DYM: variants seen among roughly 807,000 people sequenced by gnomAD.
DYM encodes dymeclin.
A neutral mutation model predicts 93.1 loss-of-function variants in DYM; 78 were observed. That is an observed-to-expected ratio of 0.84 (90% CI 0.70 to 1.01). The LOEUF (loss-of-function observed/expected upper bound fraction) is 1.01, where lower values mean the gene tolerates loss of function less well. Ranked by LOEUF, DYM falls within the 50% of genes least tolerant of loss-of-function variation. The pLI is 0.00. For missense variants in DYM, 789 were observed against 845.0 expected (o/e 0.93, Z 0.82); for synonymous variants, 321 against 319.7 (o/e 1.00, Z -0.04).
chr18:49,202,794 C>G (rs1442638323), intron 14 of DYM, among the ~76,000 whole-genome samples: 20 of 44,260 alleles, frequency 4.5e-4, no homozygotes, highest in African/African-American at 1.4e-3. Flanking sequence ...CCCCTCCGCC[C>G]GGCAGCTGCC....
chr18:49,317,680 C>T (rs1200945094), intron 8 of DYM, among the ~76,000 whole-genome samples: 5 of 129,026 alleles, frequency 3.9e-5, no homozygotes, highest in African/African-American at 1.2e-4. Context: ...TTCCTTCCTT[C>T]CTTCCTTCCT....
intron 1 of DYM, among the ~76,000 whole-genome samples, chr18:49,435,693 G>A (rs1394085720): frequency 1.3e-5 from 2 of 152,104 alleles, no homozygotes; most frequent in African/African-American, 4.8e-5. Flanking sequence ...GGAGATTGAC[G>A]CAGGAAAATC....
intron 16 of DYM, among the ~76,000 whole-genome samples, chr18:49,107,817 C>A (rs937489889): frequency 6.6e-6 from 1 of 152,222 alleles, no homozygotes; most frequent in East Asian, 1.9e-4. Flanking sequence ...TCTGCCCCTA[C>A]TGGGGGGTGC....
At chr18:49,087,165 C>T (rs575404623) in intron 17 of DYM, among the ~76,000 whole-genome samples, 3 of 152,230 alleles carry the variant, frequency 2.0e-5, no homozygotes, top group South Asian at 4.1e-4. Flanking sequence ...GTCTCCAGAA[C>T]TCTGAGAAAC....
chr18:49,330,194 ATTT>A (rs2063208863), intron 8 of DYM, among the ~76,000 whole-genome samples: 1 of 152,220 alleles, frequency 6.6e-6, no homozygotes, highest in Non-Finnish European at 1.5e-5. Context: ...TTTTATAAAG[ATTT>A]AGGAAGAAAG....
rs72642441 is a variant in DYM at position 49,092,931 on chromosome 18, C to T, written c.2025+4471G>A. 3.5e-3 allele frequency among the ~76,000 whole-genome samples: 530 copies of T among 152,266 alleles called. 27 individuals are homozygous for T. The East Asian group carries it at 0.084, about 24-fold the overall frequency. On this transcript the variant is annotated intron_variant, in intron 17 of 17. Coordinates refer to ENST00000675505, the MANE Select transcript of DYM (RefSeq NM_001353214.3). Reference sequence around the variant, plus strand: ...AAGCCTCACTCCTCACTGGGAGTCCCTCCTTTAATGTTCTGCACTAATGCT... The same window carrying T: ...AAGCCTCACTCCTCACTGGGAGTCCTTCCTTTAATGTTCTGCACTAATGCT...
intron 2 of DYM, among the ~76,000 whole-genome samples, chr18:49,401,025 G>A (rs2070753621): frequency 6.6e-6 from 1 of 152,148 alleles, no homozygotes; most frequent in Non-Finnish European, 1.5e-5. Context: ...ACCAAATGTT[G>A]TTTCTGAAGG....
chr18:49,398,154 T>C (rs2070346636), intron 2 of DYM, among the ~76,000 whole-genome samples: 1 of 152,194 alleles, frequency 6.6e-6, no homozygotes, highest in Admixed American at 6.5e-5. Context: ...AGGACTGACT[T>C]TTTTTAACAA....
At chr18:49,298,437 C>G (rs549065106) in intron 8 of DYM, among the ~76,000 whole-genome samples, 2 of 152,068 alleles carry the variant, frequency 1.3e-5, no homozygotes, top group East Asian at 3.9e-4. Context: ...AAAAATTAGC[C>G]AGGCCTGGTG....
At position 49,444,277 on chromosome 18, in the gene DYM, C is replaced by T. The variant is rs183979194; in HGVS notation, c.-53-13830G>A. On this transcript the variant is annotated intron_variant, in intron 1 of 17. Transcript: ENST00000675505. ...AAGCTAAATATCCTGACGCGTCCTG[C>T]CACGAAACAATACAATGGCTTAACA... Among the ~76,000 whole-genome samples, 46 of 152,240 alleles carry T rather than the reference C, an allele frequency of 3.0e-4. 1 individual carries two copies. Among genetic ancestry groups the T allele is most frequent in the African/African-American group, 1.1e-3 (45 of 41,534 alleles).
At position 49,217,128 on chromosome 18, in the gene DYM, G is replaced by A. The variant is rs1019651156; in HGVS notation, c.1461-7413C>T. ...GAATGCAGAAGCCTCAGGAGCCAATGCGATCAACTGGAAGAAAGGGTATCA... is the reference window on the plus strand; with the variant it reads ...GAATGCAGAAGCCTCAGGAGCCAATACGATCAACTGGAAGAAAGGGTATCA... On this transcript the variant is annotated intron_variant, in intron 13 of 17. Coordinates refer to ENST00000675505, the MANE Select transcript of DYM (RefSeq NM_001353214.3). Among the ~76,000 whole-genome samples, 4 of 152,214 alleles carry A rather than the reference G, an allele frequency of 2.6e-5. No individual in the cohort carries two copies. The South Asian group carries it at 6.2e-4, about 24-fold the overall frequency.
chr18:49,397,754 T>A (rs978967383), intron 2 of DYM, among the ~76,000 whole-genome samples: 1 of 152,220 alleles, frequency 6.6e-6, no homozygotes, highest in Non-Finnish European at 1.5e-5. Context: ...CAAACTGAGA[T>A]TTGCTAAAGC....
intron 13 of DYM, among the ~76,000 whole-genome samples, chr18:49,225,345 T>C (rs1325868560): frequency 1.3e-5 from 2 of 152,132 alleles, no homozygotes; most frequent in Admixed American, 6.5e-5. Context: ...AATCATTTCA[T>C]TCCTTGGCAG....
chr18:49,106,831 C>G (rs1453386691), intron 16 of DYM, among the ~76,000 whole-genome samples: 3 of 152,196 alleles, frequency 2.0e-5, no homozygotes, highest in African/African-American at 7.2e-5. Flanking sequence ...CTCTGGCTGC[C>G]CTTAACATTT....
intron 11 of DYM, 148 bp from the exon 12 acceptor site, chr18:49,258,641 C>A: frequency 1.5e-6 from 1 of 670,608 alleles, no homozygotes; most frequent in Non-Finnish European, 2.7e-6. Context: ...GAGTCCAGAT[C>A]TTCAAGGAGA....
intron 1 of DYM, among the ~76,000 whole-genome samples, chr18:49,435,069 A>G (rs2080703883): frequency 6.7e-6 from 1 of 150,140 alleles, no homozygotes; most frequent in Admixed American, 6.7e-5. Flanking sequence ...TTAGCACAGC[A>G]TGGTGGTGTG....
rs1328249336 is a variant in DYM at position 49,440,534 on chromosome 18, T to C, written c.-53-10087A>G. 5.0e-3 allele frequency among the ~76,000 whole-genome samples: 72 copies of C among 14,534 alleles called. 3 individuals carry two copies. Among genetic ancestry groups the C allele is most frequent in the Admixed American group, 7.7e-3 (4 of 522 alleles). The allele number at this position is 14,534 out of a possible 152,430, so 9.5% of individuals were successfully genotyped here. On this transcript the variant is annotated intron_variant, in intron 1 of 17. Coordinates refer to ENST00000675505, the MANE Select transcript of DYM (RefSeq NM_001353214.3). ...ATTATATATTTATATAATATATGAC[T>C]ATATATTATATATTTATATAATATA...
At chr18:49,337,118 G>A (rs922506961) in intron 6 of DYM, among the ~76,000 whole-genome samples, 9 of 152,160 alleles carry the variant, frequency 5.9e-5, no homozygotes, top group African/African-American at 1.7e-4. Context: ...TCAGCAAAGC[G>A]TACAAGGCAT....
At chr18:49,201,211 T>C (rs1197243077) in intron 14 of DYM, among the ~76,000 whole-genome samples, 1 of 152,210 alleles carries the variant, frequency 6.6e-6, no homozygotes, top group African/African-American at 2.4e-5. Context: ...GCCATGTTGA[T>C]AGGAACTAAC....
Sources: allele counts gnomAD v4.1 joint callset (sites outside exome capture counted in the v4.1 genomes callset), GRCh38; gene constraint gnomAD v4.1.1; transcripts MANE v1.5; gene names NCBI Gene and HGNC (gene_info 2026-07-23, HGNC 2026-07-21).